DOCK10: variants seen among roughly 807,000 people sequenced by gnomAD.
DOCK10 encodes dedicator of cytokinesis 10.
DOCK10 carries 145 observed loss-of-function variants against 280.1 expected under a neutral mutation model. That is an observed-to-expected ratio of 0.52 (90% CI 0.45 to 0.59). The LOEUF (loss-of-function observed/expected upper bound fraction) is 0.59. DOCK10 is among the 20% of genes least tolerant of loss of function. DOCK10 has a pLI of 0.00. For synonymous variants in DOCK10, 915 were observed against 942.2 expected (o/e 0.97, Z 0.53); for missense variants, 2,368 against 2,651.7 (o/e 0.89, Z 2.35).
At chr2:225,018,793 GTAAA>G (rs1689700281) in intron 1 of DOCK10, among the ~76,000 whole-genome samples, 2 of 145,972 alleles carry the variant, frequency 1.4e-5, no homozygotes, top group South Asian at 2.1e-4. Context: ...AAGATGTCAT[GTAAA>G]TATATATACA....
In DOCK10 at chr2:224,786,707, G is replaced by T. The variant is rs1384037468; in HGVS notation, c.5655+315C>A. ...CAATTTAATTTCACTTTAATATATG[G>T]CGTAAACTTATAATTAGATATTTTA... is the stretch of plus-strand genomic sequence containing the variant. On this transcript the variant is annotated intron_variant, in intron 50 of 55. Coordinates refer to ENST00000258390, the MANE Select transcript of DOCK10 (RefSeq NM_014689.3). This position sits in a 1 kb window ranked among gnomAD's most constrained non-coding sequence, Gnocchi z 4.7. Among the ~76,000 whole-genome samples the T allele has an allele frequency of 1.3e-5, 2 of 152,124 alleles. No individual in the cohort carries two copies. Among genetic ancestry groups the T allele is most frequent in the South Asian group, 2.1e-4 (1 of 4,826 alleles).
chr2:224,977,516 A>G (rs1339640995), intron 1 of DOCK10, among the ~76,000 whole-genome samples: 4 of 152,266 alleles, frequency 2.6e-5, no homozygotes, highest in Non-Finnish European at 2.9e-5. Context: ...AGAAAATAGT[A>G]AATCTACATA....
At chr2:224,879,445 A>AAAAAC (rs1278103860) in intron 7 of DOCK10, among the ~76,000 whole-genome samples, 4 of 152,200 alleles carry the variant, frequency 2.6e-5, no homozygotes, top group Admixed American at 2.0e-4. Context: ...TTTCCTTCAA[A>AAAAAC]AAAACAACAG....
chr2:224,979,539 C>T (rs1268682529), intron 1 of DOCK10, among the ~76,000 whole-genome samples: 4 of 152,258 alleles, frequency 2.6e-5, no homozygotes. Flanking sequence ...ACGACCCACT[C>T]CTTGGCTCAT....
intron 3 of DOCK10, among the ~76,000 whole-genome samples, chr2:224,896,601 C>T (rs1352334083): frequency 1.3e-5 from 2 of 152,122 alleles, no homozygotes; most frequent in Non-Finnish European, 1.5e-5. Flanking sequence ...CCTGTAATCC[C>T]ACCTACTCGG....
intron 1 of DOCK10, among the ~76,000 whole-genome samples, chr2:224,974,271 T>C (rs1475582382): frequency 6.6e-6 from 1 of 152,160 alleles, no homozygotes; most frequent in African/African-American, 2.4e-5. Flanking sequence ...GCAAATTGAA[T>C]GTATTGGGCA....
At chr2:224,809,043 G>C (rs1693595242) in intron 31 of DOCK10, among the ~76,000 whole-genome samples, 1 of 152,100 alleles carries the variant, frequency 6.6e-6, no homozygotes, top group Non-Finnish European at 1.5e-5. Flanking sequence ...ATAGGGAAAA[G>C]ACACTGCCAA....
At position 225,018,648 on chromosome 2, in the gene DOCK10, A is replaced by T. The variant is rs1217113441; in HGVS notation, c.123+23604T>A. On this transcript the variant is annotated intron_variant, in intron 1 of 55. Coordinates refer to ENST00000258390, the MANE Select transcript of DOCK10 (RefSeq NM_014689.3). ...ATATATATAATATATATGTAATATT[A>T]TATATATATAATATATATGTAATAT... 1.9e-5 allele frequency among the ~76,000 whole-genome samples: 2 copies of T among 103,082 alleles called. 1 individual carries two copies. The highest frequency in any genetic ancestry group is 3.5e-5 in the Non-Finnish European group (2 of 56,358). The allele number at this position is 103,082 out of a possible 152,430, so 67.6% of individuals were successfully genotyped here.
chr2:224,859,430 G>A (rs757729709), intron 14 of DOCK10, among the ~76,000 whole-genome samples: 22 of 152,162 alleles, frequency 1.4e-4, no homozygotes, highest in African/African-American at 4.3e-4. Flanking sequence ...ATTTTCTCCC[G>A]AGTCAATGAG....
At chr2:225,036,847 T>A (rs948900323) in intron 1 of DOCK10, among the ~76,000 whole-genome samples, 2 of 152,198 alleles carry the variant, frequency 1.3e-5, no homozygotes, top group Non-Finnish European at 2.9e-5. Flanking sequence ...TAGTGATGTA[T>A]TTTATTTACT....
At chr2:224,873,913 AT>A (rs1282297036) in intron 11 of DOCK10, 82 bp downstream of exon 11, 2 of 1,409,716 alleles carry the variant, frequency 1.4e-6, no homozygotes, top group Admixed American at 4.7e-5. Flanking sequence ...AGTGCCTGGA[AT>A]TAGCAGGAAT....
intron 25 of DOCK10, among the ~76,000 whole-genome samples, chr2:224,837,350 A>T (rs988613556): frequency 3.3e-5 from 5 of 152,378 alleles, no homozygotes; most frequent in Admixed American, 6.5e-5. Context: ...GGAAAATGAA[A>T]TAATGCCTGA....
rs79269423 is a variant in DOCK10, at chr2:224,921,709, C to A, written c.244-4925G>T. On this transcript the variant is annotated intron_variant, in intron 2 of 55. Transcript: ENST00000258390. ...TATCTAATATCCTGTGCAGGTTACACAAGGTATAGGAAAGAGAATACATGT... is the reference window on the plus strand; with the variant it reads ...TATCTAATATCCTGTGCAGGTTACAAAAGGTATAGGAAAGAGAATACATGT... 1.9e-4 allele frequency among the ~76,000 whole-genome samples: 29 copies of A among 152,278 alleles called. No homozygotes were observed. The East Asian group carries it at 5.6e-3, about 29-fold the overall frequency.
chr2:224,770,101 A>T lies in DOCK10; in HGVS notation c.6444+110T>A. ...AGAACAGATCAGCAACATGGTGCTGATGCAGTGATTTCTGCAGCAAGAAAA... is the reference window on the plus strand; with the variant it reads ...AGAACAGATCAGCAACATGGTGCTGTTGCAGTGATTTCTGCAGCAAGAAAA... On this transcript the variant is annotated intron_variant, in intron 55 of 55. Transcript: ENST00000258390. This position sits in a 1 kb window ranked among gnomAD's most constrained non-coding sequence, Gnocchi z 4.5. 1.6e-6 allele frequency: 2 copies of T among 1,243,024 alleles called. No individual in the cohort carries two copies. Among genetic ancestry groups the T allele is most frequent in the Non-Finnish European group, 2.1e-6 (2 of 935,660 alleles). 77.0% of individuals were successfully genotyped at this position (1,243,024 alleles called of 1,614,324 possible).
At chr2:224,919,596 A>ATGTGATGTGTCAG (rs1701573791) in intron 2 of DOCK10, among the ~76,000 whole-genome samples, 2 of 146,412 alleles carry the variant, frequency 1.4e-5, no homozygotes, top group Admixed American at 6.8e-5. Context: ...GTGTGAATGA[A>ATGTGATGTGTCAG]TGTGATGTGT....
chr2:225,005,140 T>C (rs1706532959), intron 1 of DOCK10, among the ~76,000 whole-genome samples: 1 of 152,222 alleles, frequency 6.6e-6, no homozygotes, highest in Non-Finnish European at 1.5e-5. Flanking sequence ...ATGAGATAGA[T>C]AGAATTTGTA....
chr2:224,923,836 T>C (rs1701909325), intron 2 of DOCK10, among the ~76,000 whole-genome samples: 1 of 152,206 alleles, frequency 6.6e-6, no homozygotes, highest in Non-Finnish European at 1.5e-5. Flanking sequence ...AACACACATT[T>C]TTCTTCCCTG....
At chr2:224,804,000 ATGTGTGTGTGTG>A (rs71062961) in intron 39 of DOCK10, 100 bp downstream of exon 39, 21 of 461,862 alleles carry the variant, frequency 4.5e-5, no homozygotes, top group African/African-American at 1.1e-4. Context: ...AAATAGAAAT[ATGTGTGTGTGTG>A]TGTGTGTGTG....
intron 1 of DOCK10, among the ~76,000 whole-genome samples, chr2:224,983,165 G>T (rs1439287520): frequency 2.0e-5 from 3 of 152,176 alleles, no homozygotes; most frequent in Non-Finnish European, 4.4e-5. Flanking sequence ...AAAAGCAGCT[G>T]TAAAGCATTT....
Sources: gnomAD v4.1 joint callset for allele counts (sites outside exome capture counted in the v4.1 genomes callset) on GRCh38, gnomAD v4.1.1 for gene constraint, Gnocchi (gnomAD v3.1) non-coding constraint, MANE v1.5 for transcripts, NCBI Gene and HGNC (gene_info 2026-07-23, HGNC 2026-07-21) for gene names.